The following CFAP299 variants were observed in gnomAD, a reference collection of about 807,000 sequenced individuals.
CFAP299 encodes cilia- and flagella-associated protein 299.
A neutral mutation model predicts 27.0 loss-of-function variants in CFAP299; 21 were observed. That is an observed-to-expected ratio of 0.78 (90% CI 0.55 to 1.12). The LOEUF is 1.12. Ranked by LOEUF, CFAP299 falls within the 50% of genes most tolerant of loss-of-function variation. The probability of loss-of-function intolerance (pLI) is 0.00; values close to 1 mark genes in which losing one functional copy is unlikely to be tolerated. For missense variants in CFAP299, 310 were observed against 276.6 expected (o/e 1.12, Z -0.86); for synonymous variants, 104 against 98.1 (o/e 1.06, Z -0.36).
chr4:80,365,242 C>T (rs1254262820), intron 2 of CFAP299, among the ~76,000 whole-genome samples: 1 of 152,178 alleles, frequency 6.6e-6, no homozygotes, highest in Non-Finnish European at 1.5e-5. Flanking sequence ...TTCTCCACAA[C>T]CTTGCCAACA....
At chr4:80,573,798 A>C (rs79062757) in intron 2 of CFAP299, among the ~76,000 whole-genome samples, 5,715 of 152,160 alleles carry the variant, frequency 0.038, 332 homozygotes, top group East Asian at 0.26. Context: ...TCAGTTCTCT[A>C]TTCTGTTCCT....
At chr4:80,843,989 T>G (rs1731018034) in intron 3 of CFAP299, among the ~76,000 whole-genome samples, 1 of 151,920 alleles carries the variant, frequency 6.6e-6, no homozygotes, top group African/African-American at 2.4e-5. Flanking sequence ...CACCTATGAG[T>G]GAGAACATGC....
intron 4 of CFAP299, among the ~76,000 whole-genome samples, chr4:80,914,569 A>G (rs986519823): frequency 2.0e-5 from 3 of 152,152 alleles, no homozygotes; most frequent in African/African-American, 7.2e-5. Context: ...GCCTCCCCAT[A>G]TTGAGAACCA....
At chr4:80,420,203 G>T (rs1167924874) in intron 2 of CFAP299, 4 of 455,798 alleles carry the variant, frequency 8.8e-6, no homozygotes, top group African/African-American at 2.0e-5. Flanking sequence ...GTTTCTTTCG[G>T]ACTTTTACAG....
At chr4:80,729,592 CTTTTTTTTTTTTTT>C (rs34745276) in intron 3 of CFAP299, among the ~76,000 whole-genome samples, 176 of 64,360 alleles carry the variant, frequency 2.7e-3, no homozygotes, top group African/African-American at 9.4e-3. Context: ...GCTTCAGCAT[CTTTTTTTTTTTTTT>C]TTTTTTTTTT....
intron 2 of CFAP299, among the ~76,000 whole-genome samples, chr4:80,575,747 G>C (rs9995032): frequency 0.93 from 141,486 of 152,132 alleles, 65,855 homozygotes; most frequent in East Asian, 1. Context: ...TTAAATTTTT[G>C]TGTTCTTTTG....
intron 2 of CFAP299, among the ~76,000 whole-genome samples, chr4:80,526,291 G>T (rs1226099420): frequency 6.6e-6 from 1 of 152,026 alleles, no homozygotes; most frequent in African/African-American, 2.4e-5. Context: ...CTACATTTTG[G>T]CATGGAAAGC....
intron 2 of CFAP299, among the ~76,000 whole-genome samples, chr4:80,368,110 G>A (rs1209875564): frequency 6.6e-6 from 1 of 152,188 alleles, no homozygotes; most frequent in Non-Finnish European, 1.5e-5. Flanking sequence ...GCTAGAGCAT[G>A]GTATCTGAAA....
chr4:80,671,696 G>A (rs1741493834), intron 3 of CFAP299, among the ~76,000 whole-genome samples: 1 of 152,088 alleles, frequency 6.6e-6, no homozygotes, highest in Admixed American at 6.5e-5. Flanking sequence ...AATTCTCCTT[G>A]AAGAAGTCCT....
chr4:80,870,904 T>C (rs766208378), intron 4 of CFAP299: 4 of 984,434 alleles, frequency 4.1e-6, no homozygotes, highest in Non-Finnish European at 3.6e-6. Context: ...TCCATCACCT[T>C]TTTTTGATTT....
intron 4 of CFAP299, among the ~76,000 whole-genome samples, chr4:80,896,413 CT>C (rs1256166412): frequency 1.3e-5 from 2 of 152,018 alleles, no homozygotes; most frequent in Non-Finnish European, 2.9e-5. Context: ...CAGGAATGAA[CT>C]AGTTTCAAAG....
intron 3 of CFAP299, among the ~76,000 whole-genome samples, chr4:80,834,558 C>T (rs962566486): frequency 6.6e-6 from 1 of 152,178 alleles, no homozygotes. Context: ...AATGTCCAGT[C>T]TGTTTCTGAC....
At chr4:80,602,650 C>A (rs1337945603) in intron 3 of CFAP299, among the ~76,000 whole-genome samples, 1 of 152,064 alleles carries the variant, frequency 6.6e-6, no homozygotes, top group Non-Finnish European at 1.5e-5. Context: ...GCTAATCTTT[C>A]TTTCCTTCCT....
intron 3 of CFAP299, among the ~76,000 whole-genome samples, chr4:80,662,356 C>A (rs1261971058): frequency 6.7e-6 from 1 of 149,872 alleles, no homozygotes; most frequent in Non-Finnish European, 1.5e-5. Flanking sequence ...GACCAGGTGA[C>A]ACTTAAAGAA....
intron 5 of CFAP299, 148 bp from the exon 6 acceptor site, chr4:80,963,369 A>G (rs2109872418): frequency 5.1e-6 from 3 of 591,500 alleles, no homozygotes; most frequent in Middle Eastern, 9.0e-4. Flanking sequence ...TGAGAAAAAG[A>G]CTAGGGGGAA....
chr4:80,352,754 A>G (rs1401241286), intron 1 of CFAP299, among the ~76,000 whole-genome samples: 4 of 152,138 alleles, frequency 2.6e-5, no homozygotes, highest in Admixed American at 6.5e-5. Flanking sequence ...GAAATCAACT[A>G]TAGGAATATA....
At chr4:80,892,599 G>A (rs1734364668) in intron 4 of CFAP299, among the ~76,000 whole-genome samples, 1 of 152,010 alleles carries the variant, frequency 6.6e-6, no homozygotes, top group South Asian at 2.1e-4. Context: ...TAAATGTGAT[G>A]CACCATTTTC....
intron 2 of CFAP299, among the ~76,000 whole-genome samples, chr4:80,372,895 G>A (rs1385853285): frequency 6.6e-6 from 1 of 152,026 alleles, no homozygotes; most frequent in African/African-American, 2.4e-5. Flanking sequence ...CCTAATTGAG[G>A]CAGAAAAGAA....
chr4:80,523,222 A>G (rs1733007980), intron 2 of CFAP299, among the ~76,000 whole-genome samples: 1 of 152,038 alleles, frequency 6.6e-6, no homozygotes, highest in Admixed American at 6.6e-5. Context: ...TTTATTCCCA[A>G]GTATTTTATT....
Sources: allele counts gnomAD v4.1 joint callset (sites outside exome capture counted in the v4.1 genomes callset), GRCh38; gene constraint gnomAD v4.1.1; transcripts MANE v1.5; gene names NCBI Gene and HGNC (gene_info 2026-07-23, HGNC 2026-07-21).